The following APBA2 variants were observed in gnomAD, a reference collection of about 807,000 sequenced individuals.
APBA2 encodes the protein amyloid beta precursor protein binding family A member 2, also known as amyloid-beta A4 precursor protein-binding family A member 2.
APBA2 carries 30 observed loss-of-function variants against 75.0 expected under a neutral mutation model. The ratio of observed to expected loss-of-function variants is 0.40; its 90% CI spans 0.30 to 0.54. The LOEUF is 0.54. APBA2 is among the 20% of genes least tolerant of loss of function. APBA2 has a pLI of 0.49. For missense variants in APBA2, 801 were observed against 1,016.1 expected (o/e 0.79, Z 2.88); for synonymous variants, 444 against 409.6 (o/e 1.08, Z -1.01).
intron 14 of APBA2, 59 bp downstream of exon 14, chr15:29,114,075 C>T (rs2044901964): frequency 6.2e-7 from 1 of 1,609,822 alleles, no homozygotes; most frequent in South Asian, 1.1e-5. Context: ...CCCGCCTGCC[C>T]TCCATGAGCC....
intron 3 of APBA2, among the ~76,000 whole-genome samples, chr15:29,017,198 C>A (rs2039705492): frequency 6.6e-6 from 1 of 151,972 alleles, no homozygotes; most frequent in Admixed American, 6.6e-5. Context: ...GGGTCAGAAC[C>A]AAGGCCAGAT....
chr15:28,994,376 A>C (rs186285714), intron 2 of APBA2, among the ~76,000 whole-genome samples: 1 of 152,256 alleles, frequency 6.6e-6, no homozygotes, highest in Non-Finnish European at 1.5e-5. Context: ...TGTGATAAAG[A>C]GGCCTCCTTG....
At chr15:28,927,047 G>T (rs2034306639) in intron 2 of APBA2, among the ~76,000 whole-genome samples, 1 of 151,854 alleles carries the variant, frequency 6.6e-6, no homozygotes, top group African/African-American at 2.4e-5. Context: ...AGCAGAGATG[G>T]GGTTTTACCA....
Position 29,027,193 on chromosome 15 carries a change from T to C in APBA2, c.-40-26652T>C, listed in dbSNP as rs189020314. 9.2e-4 allele frequency among the ~76,000 whole-genome samples: 140 copies of C among 152,346 alleles called. 1 individual carries two copies. In the South Asian group the frequency reaches 9.3e-3, roughly 10 times the overall value. ...TTTCATAAAATAAATTGCTTCAGCT[T>C]TCCATCTCTTTTTTGAGATGTGACA... is the stretch of plus-strand genomic sequence containing the variant. On this transcript the variant is annotated intron_variant, in intron 3 of 14. Coordinates refer to ENST00000683413, the MANE Select transcript of APBA2 (RefSeq NM_001353788.2).
At chr15:29,043,937 T>C (rs1223257043) in intron 3 of APBA2, among the ~76,000 whole-genome samples, 1 of 152,230 alleles carries the variant, frequency 6.6e-6, no homozygotes, top group East Asian at 1.9e-4. Context: ...CTGGAATGCT[T>C]GGGCTGATTA....
intron 1 of APBA2, among the ~76,000 whole-genome samples, chr15:28,916,806 A>G (rs2033708975): frequency 6.6e-6 from 1 of 152,190 alleles, no homozygotes; most frequent in Non-Finnish European, 1.5e-5. Context: ...CATTTATTTA[A>G]CCATTCTCTT....
chr15:28,996,207 A>T (rs1010023464), intron 3 of APBA2, among the ~76,000 whole-genome samples: 1 of 152,224 alleles, frequency 6.6e-6, no homozygotes, highest in African/African-American at 2.4e-5. Context: ...AGACACATGT[A>T]TATCGGCAAT....
chr15:28,935,661 C>T (rs2034821240), intron 2 of APBA2, among the ~76,000 whole-genome samples: 1 of 152,220 alleles, frequency 6.6e-6, no homozygotes, highest in Non-Finnish European at 1.5e-5. Context: ...GCCCTCCCCT[C>T]AGCCTCTCTC....
chr15:28,921,762 C>T lies in APBA2; in HGVS notation c.-95+13C>T, dbSNP rs922102528. On this transcript the variant is annotated intron_variant, in intron 2 of 14. Transcript: ENST00000683413. Reference sequence around the variant, plus strand: ...CTGGAGATTCTGAGTGAGTAGAACCCGTTATGATCCCCACTGCACTTAATG... The same window carrying T: ...CTGGAGATTCTGAGTGAGTAGAACCTGTTATGATCCCCACTGCACTTAATG... The T allele has an allele frequency of 1.3e-5, 2 of 152,200 alleles. No individual in the cohort carries two copies. The highest frequency in any genetic ancestry group is 4.8e-5 in the African/African-American group (2 of 41,426). 9.4% of individuals were successfully genotyped at this position (152,200 alleles called of 1,614,324 possible).
intron 2 of APBA2, among the ~76,000 whole-genome samples, chr15:28,937,949 G>A (rs1467328280): frequency 1.3e-5 from 2 of 152,092 alleles, no homozygotes; most frequent in African/African-American, 4.8e-5. Flanking sequence ...GAGCCACCGC[G>A]CCTGGCCCCC....
At chr15:29,110,519 C>T (rs2044670940) in intron 13 of APBA2, among the ~76,000 whole-genome samples, 1 of 152,224 alleles carries the variant, frequency 6.6e-6, no homozygotes. Flanking sequence ...CATGGGGTGG[C>T]CTGGGGGCTA....
chr15:29,081,202 C>T (rs970874600), intron 6 of APBA2, among the ~76,000 whole-genome samples: 1 of 152,178 alleles, frequency 6.6e-6, no homozygotes, highest in Admixed American at 6.5e-5. Context: ...TGGGGTGAAC[C>T]TGTTCAGATA....
chr15:28,961,210 T>C (rs2036451489), intron 2 of APBA2: 1 of 152,160 alleles, frequency 6.6e-6, no homozygotes, highest in Non-Finnish European at 1.5e-5. Flanking sequence ...TCAGAAACAG[T>C]GTGCTGACTG....
chr15:29,014,288 C>G (rs1198262995), intron 3 of APBA2, among the ~76,000 whole-genome samples: 1 of 152,252 alleles, frequency 6.6e-6, no homozygotes. Context: ...CAGGTATACT[C>G]TCTTCCAGAT....
intron 1 of APBA2, among the ~76,000 whole-genome samples, chr15:28,897,800 A>C (rs1354121409): frequency 6.6e-6 from 1 of 152,192 alleles, no homozygotes; most frequent in Non-Finnish European, 1.5e-5. Flanking sequence ...GTCTCAATCC[A>C]AATGAAATGG....
chr15:28,888,785 G>A (rs1424715072), intron 1 of APBA2, among the ~76,000 whole-genome samples: 2 of 152,146 alleles, frequency 1.3e-5, no homozygotes, highest in African/African-American at 4.8e-5. Flanking sequence ...CACAGGCTGC[G>A]TGCCCTCCCC....
chr15:29,010,405 C>G (rs577093151), intron 3 of APBA2, among the ~76,000 whole-genome samples: 1 of 152,212 alleles, frequency 6.6e-6, no homozygotes, highest in East Asian at 1.9e-4. Flanking sequence ...ACTACAGGCG[C>G]CCGCCACCAG....
rs184737270 is a variant in APBA2 at position 29,055,965 on chromosome 15, T to C, written c.951+1130T>C. Among the ~76,000 whole-genome samples, 538 of 152,232 alleles carry C rather than the reference T, an allele frequency of 3.5e-3. 2 individuals are homozygous for C. The highest frequency in any genetic ancestry group is 0.012 in the African/African-American group (515 of 41,528). On this transcript the variant is annotated intron_variant, in intron 4 of 14. Coordinates refer to ENST00000683413, the MANE Select transcript of APBA2 (RefSeq NM_001353788.2). ...GAGTTCACCCCTAAGGCCAGGAGGC[T>C]CTGGACCCTGGGTCTGGGCTTTAGG...
rs536872398 is a variant in APBA2 at position 28,965,785 on chromosome 15, A to G, written c.-94-29968A>G. On this transcript the variant is annotated intron_variant, in intron 2 of 14. Transcript: ENST00000683413. ...ATTTCCACTTCTTTGTTATTAGTGT[A>G]TAGACATGCAATCAGTTTTTGAATG... Among the ~76,000 whole-genome samples, 41 of 152,300 alleles carry G rather than the reference A, an allele frequency of 2.7e-4. No individual in the cohort carries two copies. The South Asian group carries it at 4.4e-3, about 16-fold the overall frequency.
Sources: allele counts gnomAD v4.1 joint callset (sites outside exome capture counted in the v4.1 genomes callset), GRCh38; gene constraint gnomAD v4.1.1; transcripts MANE v1.5; gene names NCBI Gene and HGNC (gene_info 2026-07-23, HGNC 2026-07-21).